The following KTN1 variants were observed in gnomAD, a reference collection of about 807,000 sequenced individuals.
KTN1 encodes kinectin.
Under a neutral mutation model 222.5 loss-of-function variants are expected in KTN1, and 130 were observed. That is an observed-to-expected ratio of 0.58 (90% CI 0.51 to 0.68). KTN1 has a LOEUF of 0.68. KTN1 is among the 30% of genes least tolerant of loss of function. The pLI, the probability that KTN1 is intolerant of heterozygous loss-of-function variation, is 0.00. For missense variants in KTN1, 1,508 were observed against 1,500.4 expected, an observed-to-expected ratio of 1.01 and a Z score of -0.08; for synonymous variants, 512 against 496.3, an observed-to-expected ratio of 1.03 and a Z score of -0.42.
intron 15 of KTN1, among the ~76,000 whole-genome samples, chr14:55,640,697 G>A (rs1354763160): frequency 2.0e-5 from 3 of 151,762 alleles, no homozygotes; most frequent in African/African-American, 7.3e-5. Flanking sequence ...TTTTATTTGA[G>A]CCATTTAATT....
At chr14:55,684,077 C>T (rs369401914) in intron 43 of KTN1, 22 bp from the exon 44 acceptor site, 1 of 1,592,078 alleles carries the variant, frequency 6.3e-7, no homozygotes, top group Non-Finnish European at 8.6e-7. Context: ...AAGTGAAATT[C>T]ATTCTTTCTG....
chr14:55,644,300 T>C (rs1271986135), intron 18 of KTN1: 12 of 687,554 alleles, frequency 1.7e-5, no homozygotes, highest in African/African-American at 8.8e-5. Flanking sequence ...GATTGAACAG[T>C]TTAGTTATGT....
intron 3 of KTN1, 77 bp from the exon 4 acceptor site, chr14:55,617,884 TATC>T (rs942730789): frequency 9.6e-7 from 1 of 1,045,296 alleles, no homozygotes; most frequent in Non-Finnish European, 1.4e-6. Context: ...GAACTGCATT[TATC>T]ATTAAATTAT....
At chr14:55,614,564 C>G (rs370269100) in intron 2 of KTN1, among the ~76,000 whole-genome samples, 1 of 152,086 alleles carries the variant, frequency 6.6e-6, no homozygotes, top group Admixed American at 6.6e-5. Context: ...ACCAAGAACA[C>G]TTTTTGCATT....
intron 4 of KTN1, among the ~76,000 whole-genome samples, chr14:55,618,377 A>G (rs893743798): frequency 6.6e-6 from 1 of 151,918 alleles, no homozygotes; most frequent in African/African-American, 2.4e-5. Context: ...CCCAGCTACT[A>G]CTGTCTCCTG....
At chr14:55,655,113 C>T (rs1484115543) in intron 28 of KTN1, among the ~76,000 whole-genome samples, 1 of 152,032 alleles carries the variant, frequency 6.6e-6, no homozygotes, top group Non-Finnish European at 1.5e-5. Flanking sequence ...CTCAGCCTTT[C>T]GAGTAGCTGG....
At chr14:55,634,425 A>T in intron 8 of KTN1, 101 bp from the exon 9 acceptor site, 1 of 1,018,922 alleles carries the variant, frequency 9.8e-7, no homozygotes, top group Non-Finnish European at 1.4e-6. Context: ...CTGTAAATGG[A>T]ACTACTAGCT....
At chr14:55,680,773 A>G in intron 43 of KTN1, 11 of 1,168,272 alleles carry the variant, frequency 9.4e-6, no homozygotes, top group Non-Finnish European at 1.3e-5. Flanking sequence ...TTTCCATATA[A>G]TAAGCCCAGC....
intron 34 of KTN1, among the ~76,000 whole-genome samples, chr14:55,669,972 A>C (rs980841175): frequency 3.9e-5 from 6 of 152,024 alleles, no homozygotes; most frequent in African/African-American, 1.4e-4. Context: ...TTTGATTTAA[A>C]GTATGTAACA....
chr14:55,659,103 A>G (rs529752510), intron 30 of KTN1, among the ~76,000 whole-genome samples: 2 of 152,312 alleles, frequency 1.3e-5, no homozygotes, highest in Admixed American at 1.3e-4. Context: ...CTGTAAATTA[A>G]TTTATGCATG....
At chr14:55,598,090 T>C (rs1356192217) in intron 1 of KTN1, among the ~76,000 whole-genome samples, 5 of 152,030 alleles carry the variant, frequency 3.3e-5, no homozygotes, top group African/African-American at 1.2e-4. Flanking sequence ...TCCTGAAAAG[T>C]TTATTAGAGA....
chr14:55,591,951 T>G (rs887346046), intron 1 of KTN1, among the ~76,000 whole-genome samples: 4 of 152,248 alleles, frequency 2.6e-5, no homozygotes, highest in African/African-American at 9.6e-5. Flanking sequence ...CTGAAATGAC[T>G]GTTCATTTTT....
At chr14:55,629,417 CA>C (rs58348373) in intron 6 of KTN1, among the ~76,000 whole-genome samples, 1,321 of 49,138 alleles carry the variant, frequency 0.027, 3 homozygotes, top group African/African-American at 0.065. Flanking sequence ...GACTCCGTCT[CA>C]AAAAAAAAAA....
At chr14:55,675,768 A>T in intron 40 of KTN1, 67 bp from the exon 41 acceptor site, 2 of 1,036,032 alleles carry the variant, frequency 1.9e-6, no homozygotes, top group South Asian at 1.3e-5. Context: ...CTTCAGTCCT[A>T]GAGGTATCAG....
chr14:55,616,473 T>A, intron 2 of KTN1, 44 bp from the exon 3 acceptor site: 1 of 1,522,530 alleles, frequency 6.6e-7, no homozygotes, highest in South Asian at 1.3e-5. Context: ...TCCGTTATGT[T>A]CATTGTTTGC....
chr14:55,602,326 G>A (rs1393115164), intron 1 of KTN1, among the ~76,000 whole-genome samples: 1 of 152,206 alleles, frequency 6.6e-6, no homozygotes, highest in African/African-American at 2.4e-5. Context: ...ACTAGCTGTA[G>A]ACATGGTACT....
chr14:55,648,994 T>C, intron 21 of KTN1, 124 bp downstream of exon 21: 8 of 649,124 alleles, frequency 1.2e-5, no homozygotes, highest in Non-Finnish European at 2.2e-5. Context: ...GGTACAATCA[T>C]AACTCACCGT....
chr14:55,582,710 T>C (rs1019372126), intron 1 of KTN1, among the ~76,000 whole-genome samples: 1 of 152,208 alleles, frequency 6.6e-6, no homozygotes, highest in African/African-American at 2.4e-5. Flanking sequence ...TGTTAAAATA[T>C]TAAATTGTTA....
intron 40 of KTN1, chr14:55,675,518 A>T (rs1194201897): frequency 3.0e-5 from 6 of 201,002 alleles, no homozygotes; most frequent in African/African-American, 1.4e-4. Context: ...TTGGCTTTTA[A>T]TTTGAAATAA....
Sources: allele counts gnomAD v4.1 joint callset (sites outside exome capture counted in the v4.1 genomes callset), GRCh38; gene constraint gnomAD v4.1.1; transcripts MANE v1.5; gene names NCBI Gene and HGNC (gene_info 2026-07-23, HGNC 2026-07-21).